The following MTHFD2L variants were observed in gnomAD, a reference collection of about 807,000 sequenced individuals.
The protein encoded by MTHFD2L is bifunctional methylenetetrahydrofolate dehydrogenase/cyclohydrolase 2, mitochondrial.
MTHFD2L carries 29 observed loss-of-function variants against 34.9 expected under a neutral mutation model. That is an observed-to-expected ratio of 0.83 (90% CI 0.62 to 1.13). MTHFD2L has a LOEUF of 1.13. MTHFD2L is among the 50% of genes most tolerant of loss of function. MTHFD2L has a pLI of 0.00. For synonymous variants in MTHFD2L, 167 were observed against 155.7 expected, an observed-to-expected ratio of 1.07 and a Z score of -0.54; for missense variants, 481 against 446.5, an observed-to-expected ratio of 1.08 and a Z score of -0.70.
At chr4:74,119,555 G>T (rs1033985007), upstream of MTHFD2L, among the ~76,000 whole-genome samples, 2 of 152,116 alleles carry the variant, frequency 1.3e-5, no homozygotes, top group Non-Finnish European at 2.9e-5. Context: ...AGGCCGAGGC[G>T]GGCGGATCAC....
intron 5 of MTHFD2L, among the ~76,000 whole-genome samples, chr4:74,211,263 G>T (rs192706956): frequency 1.3e-5 from 2 of 152,220 alleles, no homozygotes; most frequent in Non-Finnish European, 2.9e-5. Flanking sequence ...TCTTGTGCTG[G>T]TTTTCAAAGG....
intron 7 of MTHFD2L, among the ~76,000 whole-genome samples, chr4:74,285,301 T>A (rs1032293459): frequency 6.6e-6 from 1 of 151,886 alleles, no homozygotes. Flanking sequence ...GTAACAAGAC[T>A]GCACGTTGAG....
chr4:74,132,750 A>T (rs894520819), intron 1 of MTHFD2L, among the ~76,000 whole-genome samples: 7 of 152,158 alleles, frequency 4.6e-5, no homozygotes, highest in East Asian at 3.8e-4. Flanking sequence ...TAATGAAAAA[A>T]ATGCTCTACA....
intron 3 of MTHFD2L, among the ~76,000 whole-genome samples, chr4:74,196,591 G>T (rs1392434552): frequency 6.6e-6 from 1 of 152,060 alleles, no homozygotes; most frequent in Non-Finnish European, 1.5e-5. Context: ...TAATTTGTTT[G>T]TTCCTTTTTT....
intron 1 of MTHFD2L, chr4:74,161,632 A>T (rs1725488421): frequency 6.6e-6 from 1 of 152,256 alleles, no homozygotes; most frequent in Non-Finnish European, 1.5e-5. Flanking sequence ...ATTTTTGACT[A>T]AAATGGATCA....
intron 5 of MTHFD2L, among the ~76,000 whole-genome samples, chr4:74,215,060 G>A (rs1028775126): frequency 3.8e-4 from 58 of 151,812 alleles, no homozygotes; most frequent in African/African-American, 1.2e-3. Context: ...CCCTGAACAA[G>A]CTCAAGCATC....
chr4:74,274,044 G>A (rs984090372), intron 6 of MTHFD2L, among the ~76,000 whole-genome samples: 11 of 151,866 alleles, frequency 7.2e-5, no homozygotes, highest in Non-Finnish European at 1.5e-4. Flanking sequence ...TAGAGATGGG[G>A]TTTCACCATG....
intron 6 of MTHFD2L, among the ~76,000 whole-genome samples, chr4:74,238,150 A>G (rs1246035833): frequency 1.3e-5 from 2 of 152,200 alleles, no homozygotes; most frequent in African/African-American, 4.8e-5. Flanking sequence ...GTTACATGTC[A>G]GTGCTTATGT....
At chr4:74,124,141 C>A (rs1721910500), upstream of MTHFD2L, among the ~76,000 whole-genome samples, 1 of 152,020 alleles carries the variant, frequency 6.6e-6, no homozygotes, top group African/African-American at 2.4e-5. Flanking sequence ...AAGGCTTAGA[C>A]AGTAATCATT....
rs113594651 is a variant in MTHFD2L at position 74,262,759 on chromosome 4, A to G, written c.806-18666A>G. On this transcript the variant is annotated intron_variant, in intron 6 of 7. Transcript: ENST00000325278. ...AGGATCCAGGGAAGCACATACTTGC[A>G]TATGCTGCTGATGAAGTTATGCTTT... is the stretch of plus-strand genomic sequence containing the variant. Among the ~76,000 whole-genome samples, 400 of 152,092 alleles carry G rather than the reference A, an allele frequency of 2.6e-3. 2 individuals carry two copies. The highest frequency in any genetic ancestry group is 8.6e-3 in the African/African-American group (357 of 41,556).
chr4:74,292,990 A>AT (rs1749151997), intron 7 of MTHFD2L, among the ~76,000 whole-genome samples: 3 of 151,540 alleles, frequency 2.0e-5, no homozygotes, highest in African/African-American at 7.3e-5. Context: ...TATGAGTGGT[A>AT]TTTTTTTCTA....
chr4:74,254,258 A>G (rs1212732316), intron 6 of MTHFD2L, among the ~76,000 whole-genome samples: 1 of 152,240 alleles, frequency 6.6e-6, no homozygotes, highest in Non-Finnish European at 1.5e-5. Context: ...CTGCAGAGGG[A>G]AATGGGCATT....
intron 7 of MTHFD2L, among the ~76,000 whole-genome samples, chr4:74,284,139 C>T (rs751211581): frequency 5.9e-5 from 9 of 152,044 alleles, no homozygotes; most frequent in Admixed American, 1.3e-4. Flanking sequence ...AACTGGATGA[C>T]CCCGTTAAAA....
At chr4:74,251,997 A>G (rs1189256958) in intron 6 of MTHFD2L, among the ~76,000 whole-genome samples, 1 of 152,154 alleles carries the variant, frequency 6.6e-6, no homozygotes, top group African/African-American at 2.4e-5. Flanking sequence ...GGGTGATGGG[A>G]CCCAGGTGAA....
intron 6 of MTHFD2L, among the ~76,000 whole-genome samples, chr4:74,243,093 T>C (rs1484128411): frequency 1.3e-5 from 2 of 152,154 alleles, no homozygotes; most frequent in African/African-American, 4.8e-5. Flanking sequence ...GAAGGGGACT[T>C]GGTCAAGTGT....
In MTHFD2L at chr4:74,239,110, A is replaced by C. The variant is rs182109442; in HGVS notation, c.805+13716A>C. The stretch of plus-strand genomic sequence containing the variant: ...CCAATGTCCATCAGTGATAGACTGG[A>C]TTAAGAAAATGTGGCACATATACAC... On this transcript the variant is annotated intron_variant, in intron 6 of 7. Coordinates refer to ENST00000325278, the MANE Select transcript of MTHFD2L (RefSeq NM_001144978.3). Among the ~76,000 whole-genome samples, 155 of 152,340 alleles carry C rather than the reference A, an allele frequency of 1.0e-3. 1 individual carries two copies. The highest frequency in any genetic ancestry group is 2.5e-3 in the African/African-American group (106 of 41,576).
At chr4:74,199,764 A>C in intron 3 of MTHFD2L, 30 bp from the exon 4 acceptor site, 1 of 1,563,388 alleles carries the variant, frequency 6.4e-7, no homozygotes, top group South Asian at 1.2e-5. Flanking sequence ...TAACAATTTT[A>C]AAATTAGACA....
chr4:74,120,607 T>C (rs1450278279), upstream of MTHFD2L, among the ~76,000 whole-genome samples: 1 of 152,220 alleles, frequency 6.6e-6, no homozygotes, highest in African/African-American at 2.4e-5. Flanking sequence ...TAGAGAAATG[T>C]CGGCTAGCCA....
rs189790177 is a variant in MTHFD2L at position 74,179,543 on chromosome 4, G to T, written c.451+4140G>T. 3.0e-3 allele frequency among the ~76,000 whole-genome samples: 450 copies of T among 152,038 alleles called. 2 individuals are homozygous for T. The highest frequency in any genetic ancestry group is 9.8e-3 in the African/African-American group (408 of 41,502). ...AGCAGAAGATATTATTCAAATATGG[G>T]TATATACAGTCTGAATTTATAATGT... On this transcript the variant is annotated intron_variant, in intron 3 of 7. Transcript: ENST00000325278.
Sources: allele counts gnomAD v4.1 joint callset (sites outside exome capture counted in the v4.1 genomes callset), GRCh38; gene constraint gnomAD v4.1.1; transcripts MANE v1.5; gene names NCBI Gene and HGNC (gene_info 2026-07-23, HGNC 2026-07-21).